CCDC88A: variants seen among roughly 807,000 people sequenced by gnomAD.
The protein encoded by CCDC88A is coiled-coil and HOOK domain protein 88A, also known as girdin.
In CCDC88A, 54 loss-of-function variants were observed where a neutral mutation model predicts 234.3. That is an observed-to-expected ratio of 0.23 (90% CI 0.19 to 0.29). CCDC88A has a LOEUF of 0.29. CCDC88A is among the 10% of genes least tolerant of loss of function. CCDC88A has a pLI of 1.00. For missense variants in CCDC88A, 1,832 were observed against 2,123.4 expected (o/e 0.86, Z 2.70); for synonymous variants, 753 against 737.8 (o/e 1.02, Z -0.33).
chr2:55,401,433 C>CAAAAAAAAAAA (rs1418741634), intron 2 of CCDC88A, among the ~76,000 whole-genome samples: 910 of 30,070 alleles, frequency 0.03, 317 homozygotes, highest in Middle Eastern at 0.048. Context: ...GACTCTGTCT[C>CAAAAAAAAAAA]CAAAAAAAAA....
chr2:55,393,289 G>GGTTTT (rs1676959564), intron 2 of CCDC88A, among the ~76,000 whole-genome samples: 1 of 61,660 alleles, frequency 1.6e-5, no homozygotes, highest in African/African-American at 7.1e-5. Context: ...GGTTTTTTGG[G>GGTTTT]TTTTTTTTTT....
chr2:55,358,877 CA>C, intron 7 of CCDC88A, among the ~76,000 whole-genome samples: 1 of 152,116 alleles, frequency 6.6e-6, no homozygotes, highest in African/African-American at 2.4e-5. Context: ...ATGCTCATCC[CA>C]ACTTCCCTAT....
At chr2:55,307,755 G>A (rs982636189) in intron 25 of CCDC88A, among the ~76,000 whole-genome samples, 1 of 151,498 alleles carries the variant, frequency 6.6e-6, no homozygotes, top group African/African-American at 2.4e-5. Context: ...CAAAGTGCAG[G>A]GATTACATGC....
At chr2:55,291,913 G>A (rs1003737013) in intron 31 of CCDC88A, 138 bp from the exon 32 acceptor site, 2 of 537,352 alleles carry the variant, frequency 3.7e-6, no homozygotes, top group African/African-American at 2.0e-5. Flanking sequence ...AATCTCATAG[G>A]CATCTCAATA....
rs17347807 is a variant in CCDC88A, at chr2:55,290,151, G to A, written c.*1049C>T. ...TTCCAAATGTTTAAAGGTAACAAAT[G>A]CATACAAATATTTCAAAAGTACCAA... is the stretch of plus-strand genomic sequence containing the variant. On this transcript the variant is annotated 3_prime_UTR_variant, in exon 33 of 33. Coordinates refer to ENST00000436346, the MANE Select transcript of CCDC88A (RefSeq NM_001365480.1). 0.035 allele frequency: 5,269 copies of A among 152,326 alleles called. 127 individuals are homozygous for A. Among genetic ancestry groups the A allele is most frequent in the South Asian group, 0.057 (275 of 4,802 alleles). The allele number at this position is 152,326 out of a possible 1,614,324, so 9.4% of individuals were successfully genotyped here.
Position 55,336,677 on chromosome 2 carries a change from G to C in CCDC88A, c.1656+4C>G, listed in dbSNP as rs1329216232. ...ATTGTTTACTTAGTAAAAAATGTAT[G>C]AACCTGTCTCTCTGAATTTTCTCTC... is the stretch of plus-strand genomic sequence containing the variant. On this transcript the variant is annotated splice_donor_region_variant and intron_variant, in intron 14 of 32. Transcript: ENST00000436346. 1 of 1,547,896 alleles carries C rather than the reference G, an allele frequency of 6.5e-7. No homozygotes were observed. Among genetic ancestry groups the C allele is most frequent in the Non-Finnish European group, 8.7e-7 (1 of 1,149,296 alleles).
At position 55,319,021 on chromosome 2, in the gene CCDC88A, C is replaced by A; in HGVS notation, c.3163-17G>T. ...TGTAGCATTCTTGAAAAACAAAAAC[C>A]AAAACCAAACATATTAACAATAATG... On this transcript the variant is annotated splice_polypyrimidine_tract_variant and intron_variant, in intron 18 of 32. Transcript: ENST00000436346. The A allele has an allele frequency of 1.9e-6, 3 of 1,601,476 alleles. No individual in the cohort carries two copies. Among genetic ancestry groups the A allele is most frequent in the Non-Finnish European group, 1.7e-6 (2 of 1,172,046 alleles).
chr2:55,404,674 T>A (rs1415468097), intron 2 of CCDC88A: 1 of 152,204 alleles, frequency 6.6e-6, no homozygotes, highest in Non-Finnish European at 1.5e-5. Flanking sequence ...AAACTTTCAG[T>A]CATGGTCTAC....
chr2:55,387,980 T>G (rs1675976191), intron 3 of CCDC88A, among the ~76,000 whole-genome samples: 1 of 152,070 alleles, frequency 6.6e-6, no homozygotes, highest in Non-Finnish European at 1.5e-5. Flanking sequence ...TCTCAATAAC[T>G]AATCACTCAA....
chr2:55,309,986 G>A lies in CCDC88A; in HGVS notation c.4080-732C>T, dbSNP rs190244371. On this transcript the variant is annotated intron_variant, in intron 23 of 32. Coordinates refer to ENST00000436346, the MANE Select transcript of CCDC88A (RefSeq NM_001365480.1). This position sits in a 1 kb window ranked among gnomAD's most constrained non-coding sequence, Gnocchi z 5.1. Reference sequence around the variant, plus strand: ...AAATACTGTGCAAGTACAACAGGAAGGTAAATATATCCATCTTAGATCACG... The same window carrying A: ...AAATACTGTGCAAGTACAACAGGAAAGTAAATATATCCATCTTAGATCACG... Among the ~76,000 whole-genome samples, 195 of 152,062 alleles carry A rather than the reference G, an allele frequency of 1.3e-3. 1 individual carries two copies. In the Middle Eastern group the frequency reaches 0.02, roughly 16 times the overall value.
chr2:55,380,042 G>T (rs2104850599), intron 3 of CCDC88A, among the ~76,000 whole-genome samples: 1 of 125,678 alleles, frequency 8.0e-6, no homozygotes, highest in South Asian at 2.6e-4. Flanking sequence ...TGACCAGGAT[G>T]GCAAAGCCCT....
At chr2:55,384,056 T>C (rs1292926501) in intron 3 of CCDC88A, among the ~76,000 whole-genome samples, 7 of 151,692 alleles carry the variant, frequency 4.6e-5, no homozygotes, top group Admixed American at 3.9e-4. Flanking sequence ...TTAAAAAATA[T>C]AGCATAGTGA....
chr2:55,380,618 TTTTC>T (rs551824896), intron 3 of CCDC88A, among the ~76,000 whole-genome samples: 449 of 152,230 alleles, frequency 2.9e-3, no homozygotes, highest in African/African-American at 0.011. Flanking sequence ...TTTAAAAATT[TTTTC>T]TTTATTTTTT....
chr2:55,401,829 G>C (rs1678756570), intron 2 of CCDC88A, among the ~76,000 whole-genome samples: 1 of 151,842 alleles, frequency 6.6e-6, no homozygotes, highest in Admixed American at 6.6e-5. Context: ...TTTCTAGTTA[G>C]CCCAAGATTA....
chr2:55,378,496 C>CT (rs1170597065), intron 3 of CCDC88A, among the ~76,000 whole-genome samples: 1 of 151,972 alleles, frequency 6.6e-6, no homozygotes, highest in Non-Finnish European at 1.5e-5. Flanking sequence ...ATACATATGC[C>CT]TTTTTTGGGA....
intron 22 of CCDC88A, 132 bp from the exon 23 acceptor site, chr2:55,312,711 G>C: frequency 1.6e-6 from 1 of 638,384 alleles, no homozygotes. Context: ...ACTTTTATCA[G>C]AGCATGATTA....
At chr2:55,291,509 T>C in intron 32 of CCDC88A, 167 bp downstream of exon 32, 1 of 397,514 alleles carries the variant, frequency 2.5e-6, no homozygotes, top group East Asian at 3.7e-5. Flanking sequence ...GGTAAAAACC[T>C]ATGGCAGCCA....
Position 55,317,371 on chromosome 2 carries a change from G to C in CCDC88A, c.3603-22C>G, listed in dbSNP as rs770691062. Reference sequence around the variant, plus strand: ...GTAACTGGGGGGAAAAAAGGCATTTGGTTTATAATATTTACAAAAAAGAAA... The same window carrying C: ...GTAACTGGGGGGAAAAAAGGCATTTCGTTTATAATATTTACAAAAAAGAAA... On this transcript the variant is annotated intron_variant, in intron 20 of 32. Coordinates refer to ENST00000436346, the MANE Select transcript of CCDC88A (RefSeq NM_001365480.1). The surrounding 1 kb of genome is among the most constrained non-coding windows in gnomAD (Gnocchi z 4.2). 1.2e-5 allele frequency: 17 copies of C among 1,436,010 alleles called. No homozygotes were observed. The highest frequency in any genetic ancestry group is 1.5e-5 in the Non-Finnish European group (16 of 1,086,020). 89.0% of individuals were successfully genotyped at this position (1,436,010 alleles called of 1,614,324 possible).
At chr2:55,352,426 C>CAA (rs34722805) in intron 8 of CCDC88A, among the ~76,000 whole-genome samples, 278 of 143,270 alleles carry the variant, frequency 1.9e-3, no homozygotes, top group African/African-American at 5.9e-3. Flanking sequence ...GACTCCATCT[C>CAA]AAAAAAAAAA....
Sources: allele counts gnomAD v4.1 joint callset (sites outside exome capture counted in the v4.1 genomes callset), GRCh38; gene constraint gnomAD v4.1.1; non-coding constraint Gnocchi (gnomAD v3.1); transcripts MANE v1.5; gene names NCBI Gene and HGNC (gene_info 2026-07-23, HGNC 2026-07-21).